Variants in CASQ1 observed in about 807,000 individuals in gnomAD.
CASQ1 encodes the protein calsequestrin-1.
Under a neutral mutation model 49.5 loss-of-function variants are expected in CASQ1, and 40 were observed. The ratio of observed to expected loss-of-function variants is 0.81; its 90% confidence interval spans 0.63 to 1.05. The LOEUF (loss-of-function observed/expected upper bound fraction) is 1.05, where lower values mean the gene tolerates loss of function less well. CASQ1 is among the 50% of genes least tolerant of loss of function. The probability of loss-of-function intolerance (pLI) is 0.00; values close to 1 mark genes in which losing one functional copy is unlikely to be tolerated. For synonymous variants in CASQ1, 174 were observed against 187.2 expected (o/e 0.93, Z 0.58); for missense variants, 469 against 486.9 (o/e 0.96, Z 0.35).
intron 9 of CASQ1, 36 bp downstream of exon 9, chr1:160,199,089 T>G (rs557260187): frequency 7.9e-7 from 1 of 1,258,388 alleles, no homozygotes; most frequent in South Asian, 1.2e-5. Flanking sequence ...TATCTTAAGG[T>G]GGGGCCTTGG....
At position 160,197,631 on chromosome 1, in the gene CASQ1, A is replaced by G; in HGVS notation, c.828+17A>G. ...GAGACCTGGGTGAGTGCCCCTGGCC[A>G]GGGTCAAGCCCTCAGGGAAGCATGG... On this transcript the variant is annotated intron_variant, in intron 7 of 10. Transcript: ENST00000368078. 2 of 1,588,054 alleles carry G rather than the reference A, an allele frequency of 1.3e-6. No individual in the cohort carries two copies. The highest frequency in any genetic ancestry group is 8.6e-7 in the Non-Finnish European group (1 of 1,156,298).
intron 10 of CASQ1, 50 bp downstream of exon 10, chr1:160,199,975 CA>C: frequency 5.7e-6 from 7 of 1,225,292 alleles, no homozygotes; most frequent in African/African-American, 1.5e-5. Context: ...TACTTCCTAG[CA>C]TAGCTAGCTC....
intron 2 of CASQ1, 120 bp downstream of exon 2, chr1:160,193,006 T>A: frequency 1.3e-6 from 1 of 784,016 alleles, no homozygotes; most frequent in Non-Finnish European, 2.2e-6. Flanking sequence ...CAGATTTATG[T>A]CTATTCTAAA....
rs372759039 is a variant in CASQ1, at chr1:160,198,748, G to A, written c.883+17G>A. The A allele has an allele frequency of 5.7e-5, 92 of 1,609,568 alleles. No homozygotes were observed. The highest frequency in any genetic ancestry group is 4.1e-4 in the African/African-American group (31 of 74,926). On this transcript the variant is annotated intron_variant, in intron 8 of 10. Coordinates refer to ENST00000368078, the MANE Select transcript of CASQ1 (RefSeq NM_001231.5). ...CTGATCCTGGTGAGGGAGGAATACC[G>A]GGTTGGACTGGAGGGAAGGCAGGGG...
rs1311608807 is a variant in CASQ1, at chr1:160,192,878, A to G, written c.356A>G (p.Lys119Arg). The change falls in exon 2 of 11, where the codon AAG becomes AGG. Residue 119 changes from lysine to arginine, a missense_variant. By Grantham distance (26) the Lys-to-Arg change is conservative (BLOSUM62 2). Coordinates refer to ENST00000368078, the MANE Select transcript of CASQ1 (RefSeq NM_001231.5). ...VDSEKDAAVA[K>R]KLGLTEVDSM... ...TCTGAGAAGGATGCAGCTGTGGCCAAGAAACTAGGTAAGAGAGGGGAGGGC... is the reference window on the plus strand; with the variant it reads ...TCTGAGAAGGATGCAGCTGTGGCCAGGAAACTAGGTAAGAGAGGGGAGGGC... The G allele has an allele frequency of 3.1e-6, 5 of 1,613,046 alleles. No individual in the cohort carries two copies. Among genetic ancestry groups the G allele is most frequent in the Non-Finnish European group, 3.4e-6 (4 of 1,179,206 alleles).
Position 160,198,989 on chromosome 1 carries a change from C to T in CASQ1, c.920C>T (p.Ala307Val). Residue 307 changes from alanine (A) to valine (V), a missense_variant, in exon 9 of 11, where the codon GCC becomes GTC. Physicochemically the swap from Ala to Val is moderately conservative, Grantham distance 64. Coordinates refer to ENST00000368078, the MANE Select transcript of CASQ1 (RefSeq NM_001231.5). Reference protein sequence around the residue: ...FEFLETLKAVAQDNTENPDLS... With the variant: ...FEFLETLKAVVQDNTENPDLS... ...TTCTTAGAGACTCTCAAGGCTGTGGCCCAAGATAACACTGAAAACCCAGAT... is the reference window on the plus strand; with the variant it reads ...TTCTTAGAGACTCTCAAGGCTGTGGTCCAAGATAACACTGAAAACCCAGAT... The T allele has an allele frequency of 6.2e-7, 1 of 1,613,296 alleles. No individual in the cohort carries two copies. The highest frequency in any genetic ancestry group is 8.5e-7 in the Non-Finnish European group (1 of 1,179,248).
At chr1:160,195,152 CCT>C in intron 4 of CASQ1, 29 bp downstream of exon 4, 1 of 1,393,520 alleles carries the variant, frequency 7.2e-7, no homozygotes, top group East Asian at 2.3e-5. Flanking sequence ...CCACTGTGCC[CCT>C]CTCTGGATCC....
At chr1:160,200,075 A>T (rs1402212782) in intron 10 of CASQ1, 150 bp downstream of exon 10, 3 of 669,308 alleles carry the variant, frequency 4.5e-6, no homozygotes, top group East Asian at 5.4e-5. Flanking sequence ...GAGACTTAGG[A>T]TCTGAATGTG....
rs1326907791 is a variant in CASQ1, at chr1:160,192,582, A to C, written c.280-220A>C. 4 of 546,938 alleles carry C rather than the reference A, an allele frequency of 7.3e-6. No individual in the cohort carries two copies. The African/African-American group carries it at 7.6e-5, about 10-fold the overall frequency. 33.9% of individuals were successfully genotyped at this position (546,938 alleles called of 1,614,324 possible). ...TGTCTTCAAGTCCAACATAATAAGC[A>C]CATTGCAAATGAGCAATCAATATTC... On this transcript the variant is annotated intron_variant, in intron 1 of 10. Transcript: ENST00000368078.
At chr1:160,192,231 A>G (rs1434283867) in intron 1 of CASQ1, among the ~76,000 whole-genome samples, 1 of 151,936 alleles carries the variant, frequency 6.6e-6, no homozygotes, top group Non-Finnish European at 1.5e-5. Flanking sequence ...GGTCGCTGTC[A>G]GTCTCTCTCC....
At chr1:160,199,765 T>A (rs576861428) in intron 9 of CASQ1, 86 bp from the exon 10 acceptor site, 1 of 911,616 alleles carries the variant, frequency 1.1e-6, no homozygotes, top group East Asian at 2.4e-5. Flanking sequence ...CCCCTCTCCA[T>A]CCCTGGGCTG....
Position 160,195,084 on chromosome 1 carries a change from A to C in CASQ1, c.538A>C (p.Ile180Leu), listed in dbSNP as rs1654186891. ...LQAFENIEDE[I>L]KLIGYFKSKD... ...GGCGTTTGAGAATATTGAGGATGAG[A>C]TCAAACTCATTGGCTACTTCAAGAG... is the stretch of plus-strand genomic sequence containing the variant. The change falls in exon 4 of 11, where the codon ATC becomes CTC. Residue 180 changes from isoleucine to leucine, a missense_variant. Physicochemically the swap from Ile to Leu is conservative, Grantham distance 5. Coordinates refer to ENST00000368078, the MANE Select transcript of CASQ1 (RefSeq NM_001231.5). The C allele has an allele frequency of 1.9e-6, 3 of 1,612,946 alleles. 1 individual carries two copies. The South Asian group carries it at 3.3e-5, about 18-fold the overall frequency.
At chr1:160,199,276 T>TG (rs1220001484) in intron 9 of CASQ1, among the ~76,000 whole-genome samples, 4 of 152,078 alleles carry the variant, frequency 2.6e-5, no homozygotes, top group Non-Finnish European at 4.4e-5. Context: ...AGAGGCTGGA[T>TG]GGGTAGCTCA....
chr1:160,199,971 C>G, intron 10 of CASQ1, 46 bp downstream of exon 10: 1 of 1,220,424 alleles, frequency 8.2e-7, no homozygotes, highest in Non-Finnish European at 1.2e-6. Context: ...ACTCTACTTC[C>G]TAGCATAGCT....
chr1:160,195,698 GGGGCTT>G (rs1654208511), intron 5 of CASQ1, among the ~76,000 whole-genome samples, 164 bp downstream of exon 5: 1 of 146,078 alleles, frequency 6.8e-6, no homozygotes. Context: ...GAGCTGAAGA[GGGGCTT>G]TAGATGATCT....
At chr1:160,193,953 C>CACATACACCACACGCACACACACCAT in intron 3 of CASQ1, 106 bp downstream of exon 3, 1 of 700,962 alleles carries the variant, frequency 1.4e-6, no homozygotes, top group East Asian at 2.6e-5. Flanking sequence ...CACACACACA[C>CACATACACCACACGCACACACACCAT]ACATACACCA....
At chr1:160,191,174 A>G in intron 1 of CASQ1, 144 bp downstream of exon 1, 1 of 805,058 alleles carries the variant, frequency 1.2e-6, no homozygotes, top group Non-Finnish European at 1.9e-6. Context: ...AACAGGATGC[A>G]AGTGGCATGT....
intron 5 of CASQ1, 63 bp downstream of exon 5, chr1:160,195,597 C>T: frequency 6.7e-7 from 1 of 1,493,772 alleles, no homozygotes; most frequent in Non-Finnish European, 9.3e-7. Flanking sequence ...CCAGTTTCCT[C>T]TCCCAGAATC....
intron 4 of CASQ1, 41 bp from the exon 5 acceptor site, chr1:160,195,420 C>G (rs1486879816): frequency 6.3e-7 from 1 of 1,578,872 alleles, no homozygotes; most frequent in South Asian, 1.1e-5. Context: ...CCGGGCAGAC[C>G]CTGGTTTCCC....
Sources: gnomAD v4.1 joint callset for allele counts (sites outside exome capture counted in the v4.1 genomes callset) on GRCh38, gnomAD v4.1.1 for gene constraint, MANE v1.5 for transcripts, NCBI Gene and HGNC (gene_info 2026-07-23, HGNC 2026-07-21) for gene names.